The following ALG6 variants were observed in gnomAD, a reference collection of about 807,000 sequenced individuals.
ALG6 encodes dolichyl pyrophosphate Man9GlcNAc2 alpha-1,3-glucosyltransferase.
A neutral mutation model predicts 66.6 loss-of-function variants in ALG6; 46 were observed. The observed-to-expected ratio is 0.69, with a 90% CI of 0.55 to 0.88. The LOEUF (loss-of-function observed/expected upper bound fraction) is 0.88, where lower values mean the gene tolerates loss of function less well. ALG6 is among the 40% of genes least tolerant of loss of function. ALG6 has a pLI of 0.00. For missense variants in ALG6, 505 were observed against 586.8 expected (o/e 0.86, Z 1.44); for synonymous variants, 185 against 203.7 (o/e 0.91, Z 0.78).
rs939766103 is a variant in ALG6 at position 63,433,527 on chromosome 1, T to A, written c.1327-3296T>A. 2.6e-5 allele frequency among the ~76,000 whole-genome samples: 4 copies of A among 152,176 alleles called. No homozygotes were observed. Among genetic ancestry groups the A allele is most frequent in the African/African-American group, 9.7e-5 (4 of 41,448 alleles). On this transcript the variant is annotated intron_variant, in intron 14 of 14. Transcript: ENST00000263440. This position sits in a 1 kb window ranked among gnomAD's most constrained non-coding sequence, Gnocchi z 4.2. ...CAGGAAAGACAAGGAGAGGATTAAC[T>A]TTACTCAGGGGTTCAAATGGAAAGT...
chr1:63,368,583 C>T (rs1301775805), intron 1 of ALG6, among the ~76,000 whole-genome samples: 3 of 152,046 alleles, frequency 2.0e-5, no homozygotes, highest in Non-Finnish European at 4.4e-5. Flanking sequence ...TCACTGCAAC[C>T]TCTGCCTCCC....
At chr1:63,377,592 A>G (rs1013105306) in intron 2 of ALG6, among the ~76,000 whole-genome samples, 3 of 152,240 alleles carry the variant, frequency 2.0e-5, no homozygotes, top group Admixed American at 1.3e-4. Flanking sequence ...CAAAGACTTT[A>G]GAATGTTTTA....
chr1:63,397,171 G>GTATT (rs763903555), intron 3 of ALG6, among the ~76,000 whole-genome samples: 10 of 151,752 alleles, frequency 6.6e-5, no homozygotes, highest in Non-Finnish European at 1.5e-4. Context: ...GAAGGAATGA[G>GTATT]TATTTAGGTG....
intron 11 of ALG6, among the ~76,000 whole-genome samples, chr1:63,418,789 G>T (rs1192086586): frequency 2.0e-5 from 3 of 152,168 alleles, no homozygotes; most frequent in Non-Finnish European, 4.4e-5. Context: ...AGGTGCTGTA[G>T]ATAGCATTTG....
chr1:63,430,036 C>T (rs1644637979), intron 14 of ALG6, among the ~76,000 whole-genome samples: 1 of 152,116 alleles, frequency 6.6e-6, no homozygotes, highest in African/African-American at 2.4e-5. Context: ...GCATGCGCCA[C>T]CATGCCCAGC....
intron 14 of ALG6, among the ~76,000 whole-genome samples, chr1:63,430,244 C>T (rs183759681): frequency 2.0e-5 from 3 of 152,162 alleles, no homozygotes; most frequent in African/African-American, 7.2e-5. Flanking sequence ...CTTTTTATTA[C>T]CAAATTATAT....
chr1:63,396,057 A>T (rs1420031666), intron 2 of ALG6, among the ~76,000 whole-genome samples: 1 of 152,186 alleles, frequency 6.6e-6, no homozygotes, highest in Non-Finnish European at 1.5e-5. Context: ...GTTATATGCA[A>T]ATACTATGGC....
intron 2 of ALG6, among the ~76,000 whole-genome samples, chr1:63,394,069 G>A (rs1382033863): frequency 2.6e-5 from 4 of 152,164 alleles, no homozygotes; most frequent in Non-Finnish European, 5.9e-5. Context: ...AGAGATTATA[G>A]CGTTTAAAGA....
chr1:63,423,911 C>T (rs567812775), intron 12 of ALG6, among the ~76,000 whole-genome samples: 4 of 152,312 alleles, frequency 2.6e-5, no homozygotes, highest in East Asian at 3.9e-4. Context: ...ATAGTGGCTG[C>T]ACCACTTAAC....
intron 14 of ALG6, among the ~76,000 whole-genome samples, chr1:63,436,024 G>A (rs1442942753): frequency 6.6e-6 from 1 of 152,088 alleles, no homozygotes; most frequent in African/African-American, 2.4e-5. Context: ...ACTCTTTGAG[G>A]CCAGAGGACC....
intron 2 of ALG6, among the ~76,000 whole-genome samples, chr1:63,378,096 A>G (rs1442386409): frequency 6.6e-6 from 1 of 151,994 alleles, no homozygotes; most frequent in Non-Finnish European, 1.5e-5. Flanking sequence ...CCCTTCTTAC[A>G]TATTGTATCT....
intron 2 of ALG6, among the ~76,000 whole-genome samples, chr1:63,384,974 C>T (rs558154503): frequency 1.1e-3 from 172 of 152,090 alleles, no homozygotes; most frequent in Middle Eastern, 3.4e-3. Context: ...TTTGTGGTTC[C>T]ATATAAATTT....
chr1:63,394,865 CTTTTCTTTTTTT>C (rs1345418616), intron 2 of ALG6, among the ~76,000 whole-genome samples: 1 of 148,540 alleles, frequency 6.7e-6, no homozygotes. Flanking sequence ...ATACCTATTT[CTTTTCTTTTTTT>C]TTTTTTTGGA....
At chr1:63,419,650 A>G (rs965316161) in intron 12 of ALG6, among the ~76,000 whole-genome samples, 2 of 152,214 alleles carry the variant, frequency 1.3e-5, no homozygotes, top group African/African-American at 4.8e-5. Flanking sequence ...TGTTATTGAC[A>G]TAATAGTAAT....
chr1:63,402,304 C>G lies in ALG6; in HGVS notation c.218C>G (p.Pro73Arg). The change falls in exon 4 of 15, where the codon CCA becomes CGA. Residue 73 changes from proline to arginine, a missense_variant. Pro to Arg is a moderately radical substitution (Grantham distance 103). Transcript: ENST00000263440. Reference sequence around the variant, plus strand: ...TTACAGTATTGGGGATTGGATTACCCACCTCTTACAGCTTATCATAGTCTC... The same window carrying G: ...TTACAGTATTGGGGATTGGATTACCGACCTCTTACAGCTTATCATAGTCTC... ...NNLQYWGLDYPPLTAYHSLLC... is the reference protein window; with the variant it reads ...NNLQYWGLDYRPLTAYHSLLC... 1 of 1,611,938 alleles carries G rather than the reference C, an allele frequency of 6.2e-7. No homozygotes were observed. Among genetic ancestry groups the G allele is most frequent in the East Asian group, 2.2e-5 (1 of 44,822 alleles).
intron 3 of ALG6, among the ~76,000 whole-genome samples, chr1:63,401,495 G>A (rs1039602033): frequency 6.6e-6 from 1 of 151,488 alleles, no homozygotes. Context: ...GTGAAACCCC[G>A]TCTCTACTAA....
intron 6 of ALG6, among the ~76,000 whole-genome samples, chr1:63,406,670 T>C (rs940278762): frequency 1.3e-4 from 20 of 152,106 alleles, no homozygotes; most frequent in Non-Finnish European, 8.8e-5. Context: ...AAGCTGAATT[T>C]TGAGCTGGCT....
chr1:63,410,598 C>G (rs913975895), intron 7 of ALG6, among the ~76,000 whole-genome samples: 1 of 152,142 alleles, frequency 6.6e-6, no homozygotes, highest in African/African-American at 2.4e-5. Context: ...TTTTAAGAGT[C>G]TCTCGGGAAG....
intron 2 of ALG6, among the ~76,000 whole-genome samples, chr1:63,394,973 C>T (rs1648776222): frequency 6.6e-6 from 1 of 151,586 alleles, no homozygotes. Context: ...TCAAGCGATT[C>T]TCCTGCCTCA....
Sources: gnomAD v4.1 joint callset for allele counts (sites outside exome capture counted in the v4.1 genomes callset) on GRCh38, gnomAD v4.1.1 for gene constraint, Gnocchi (gnomAD v3.1) non-coding constraint, MANE v1.5 for transcripts, NCBI Gene and HGNC (gene_info 2026-07-23, HGNC 2026-07-21) for gene names.